COMMD8: variants seen among roughly 807,000 people sequenced by gnomAD.
The protein encoded by COMMD8 is COMM domain-containing protein 8.
In COMMD8, 28 loss-of-function variants were observed where a neutral mutation model predicts 27.2. That is an observed-to-expected ratio of 1.03 (90% CI 0.76 to 1.41). The LOEUF (loss-of-function observed/expected upper bound fraction) is 1.41. Ranked by LOEUF, COMMD8 falls within the 40% of genes most tolerant of loss-of-function variation. COMMD8 has a pLI of 0.00. For synonymous variants in COMMD8, 79 were observed against 75.5 expected (o/e 1.05, Z -0.24); for missense variants, 217 against 211.2 (o/e 1.03, Z -0.17).
chr4:47,454,390 T>C (rs777538029), intron 3 of COMMD8, among the ~76,000 whole-genome samples: 10 of 152,212 alleles, frequency 6.6e-5, no homozygotes, highest in Non-Finnish European at 1.3e-4. Flanking sequence ...TCCAGGTACA[T>C]GGTCTCAGTG....
Position 47,454,250 on chromosome 4 carries a change from A to T in COMMD8, c.376-1036T>A, listed in dbSNP as rs1729830344. ...TCTTCCCCAGGTTGAATTGAAACGT[A>T]TCTTATTGCAAATAATATACGTTAG... is the stretch of plus-strand genomic sequence containing the variant. On this transcript the variant is annotated intron_variant, in intron 3 of 4. Transcript: ENST00000381571. Among the ~76,000 whole-genome samples, 3 of 152,222 alleles carry T rather than the reference A, an allele frequency of 2.0e-5. No homozygotes were observed. In the South Asian group the frequency reaches 6.2e-4, roughly 32 times the overall value.
At chr4:47,461,367 C>T (rs925561099) in intron 1 of COMMD8, among the ~76,000 whole-genome samples, 2 of 152,146 alleles carry the variant, frequency 1.3e-5, no homozygotes, top group Admixed American at 1.3e-4. Flanking sequence ...AACTCCTTCC[C>T]TCTAACACCA....
In COMMD8 at chr4:47,451,564, G is replaced by C. The variant is rs763293375; in HGVS notation, c.*81C>G. The C allele has an allele frequency of 2.1e-5, 22 of 1,068,420 alleles. 1 individual carries two copies. Among genetic ancestry groups the C allele is most frequent in the Admixed American group, 3.7e-5 (2 of 54,282 alleles). 66.2% of individuals were successfully genotyped at this position (1,068,420 alleles called of 1,614,324 possible). ...TGGTGCAACAGTCAAGACATCACAAGGTTTCTGAACACGCAGTATTCACTC... is the reference window on the plus strand; with the variant it reads ...TGGTGCAACAGTCAAGACATCACAACGTTTCTGAACACGCAGTATTCACTC... On this transcript the variant is annotated 3_prime_UTR_variant, in exon 5 of 5. Transcript: ENST00000381571.
rs766515833 is a variant in COMMD8 at position 47,451,601 on chromosome 4, T to C, written c.*44A>G. ...CGCAGTATTCACTCTGCCATATAAG[T>C]TGGAGCAATAAAATCTGATAGGACT... On this transcript the variant is annotated 3_prime_UTR_variant, in exon 5 of 5. Coordinates refer to ENST00000381571, the MANE Select transcript of COMMD8 (RefSeq NM_017845.5). 8 of 1,533,016 alleles carry C rather than the reference T, an allele frequency of 5.2e-6. No individual in the cohort carries two copies. The African/African-American group carries it at 5.6e-5, about 11-fold the overall frequency. The allele number at this position is 1,533,016 out of a possible 1,614,324, so 95.0% of individuals were successfully genotyped here.
At position 47,453,027 on chromosome 4, in the gene COMMD8, T is replaced by C. The variant is rs1219751955; in HGVS notation, c.531+32A>G. On this transcript the variant is annotated intron_variant, in intron 4 of 4. Coordinates refer to ENST00000381571, the MANE Select transcript of COMMD8 (RefSeq NM_017845.5). ...AAAAAAAACCCCAAAACCTTAAACATTCAAATCATATGACAAAATTATAGC... is the reference window on the plus strand; with the variant it reads ...AAAAAAAACCCCAAAACCTTAAACACTCAAATCATATGACAAAATTATAGC... 1.9e-6 allele frequency: 3 copies of C among 1,569,096 alleles called. No homozygotes were observed. The African/African-American group carries it at 4.1e-5, about 22-fold the overall frequency.
Position 47,456,747 on chromosome 4 carries a change from G to C in COMMD8, c.223-18C>G. On this transcript the variant is annotated intron_variant, in intron 2 of 4. Transcript: ENST00000381571. ...TGAAATATCTATAAAAATAAAAACA[G>C]GCAAAAGGGGCTTTCTGTTTAAAAT... is the stretch of plus-strand genomic sequence containing the variant. 1 of 1,541,658 alleles carries C rather than the reference G, an allele frequency of 6.5e-7. No homozygotes were observed. Among genetic ancestry groups the C allele is most frequent in the Non-Finnish European group, 8.7e-7 (1 of 1,150,056 alleles).
At chr4:47,460,850 T>C (rs915327164) in intron 1 of COMMD8, among the ~76,000 whole-genome samples, 1 of 152,148 alleles carries the variant, frequency 6.6e-6, no homozygotes, top group Non-Finnish European at 1.5e-5. Flanking sequence ...CCAGTACTTT[T>C]TTCCTTTTTT....
chr4:47,455,164 C>T lies in COMMD8; in HGVS notation c.375+1413G>A, dbSNP rs796230123. ...AAGTAGCTGGGACTACAGGCACACA[C>T]CACAACACCCAGCTAATATTCATAT... On this transcript the variant is annotated intron_variant, in intron 3 of 4. Transcript: ENST00000381571. Among the ~76,000 whole-genome samples the T allele has an allele frequency of 6.6e-5, 10 of 152,062 alleles. No homozygotes were observed. In the East Asian group the frequency reaches 1.6e-3, roughly 24 times the overall value.
intron 3 of COMMD8, among the ~76,000 whole-genome samples, chr4:47,454,049 A>G (rs1729825366): frequency 6.6e-6 from 1 of 152,176 alleles, no homozygotes; most frequent in African/African-American, 2.4e-5. Context: ...AGGACCCATA[A>G]TATCTCAGAT....
intron 4 of COMMD8, among the ~76,000 whole-genome samples, chr4:47,452,519 T>C (rs1431408820): frequency 1.3e-5 from 2 of 151,768 alleles, no homozygotes. Flanking sequence ...ATAGCACTAT[T>C]ATTCTTTCAA....
intron 3 of COMMD8, among the ~76,000 whole-genome samples, chr4:47,456,300 A>ATATG (rs1729887259): frequency 7.2e-6 from 1 of 139,592 alleles, no homozygotes; most frequent in African/African-American, 2.7e-5. Context: ...ATATATATAT[A>ATATG]TGTATATGTT....
intron 2 of COMMD8, among the ~76,000 whole-genome samples, chr4:47,458,965 A>C (rs1729955113): frequency 6.6e-6 from 1 of 152,084 alleles, no homozygotes; most frequent in Admixed American, 6.5e-5. Flanking sequence ...TTAATGTAGA[A>C]AATTGTGAAC....
At position 47,451,604 on chromosome 4, in the gene COMMD8, G is replaced by A. The variant is rs564930783; in HGVS notation, c.*41C>T. On this transcript the variant is annotated 3_prime_UTR_variant, in exon 5 of 5. Coordinates refer to ENST00000381571, the MANE Select transcript of COMMD8 (RefSeq NM_017845.5). ...AGTATTCACTCTGCCATATAAGTTG[G>A]AGCAATAAAATCTGATAGGACTGGT... 29 of 1,545,730 alleles carry A rather than the reference G, an allele frequency of 1.9e-5. 1 individual carries two copies. In the South Asian group the frequency reaches 3.3e-4, roughly 17 times the overall value.
intron 2 of COMMD8, among the ~76,000 whole-genome samples, chr4:47,457,897 A>G (rs1380322707): frequency 1.3e-5 from 2 of 151,774 alleles, no homozygotes; most frequent in African/African-American, 4.8e-5. Flanking sequence ...TAAAAATCCT[A>G]AACAAAATAT....
chr4:47,460,262 G>A lies in COMMD8; in HGVS notation c.104C>T (p.Ala35Val), dbSNP rs1729991018. 1 of 1,612,746 alleles carries A rather than the reference G, an allele frequency of 6.2e-7. No individual in the cohort carries two copies. ...HKIIDGICGR[A>V]YPVYQDYHTV... ...GTGATAATCTTGGTACACAGGATAA[G>A]CTCGACCACAAATGCCATCAATTAT... The change falls in exon 2 of 5, where the codon GCT (alanine) becomes GTT (valine). Residue 35 changes from alanine to valine, a missense_variant. By Grantham distance (64) the Ala-to-Val change is moderately conservative (BLOSUM62 0). Transcript: ENST00000381571.
rs1278911436 is a variant in COMMD8, at chr4:47,451,357, T to C, written c.*288A>G. 1.1e-5 allele frequency: 4 copies of C among 358,078 alleles called. No individual in the cohort carries two copies. Among genetic ancestry groups the C allele is most frequent in the Non-Finnish European group, 2.0e-5 (4 of 198,282 alleles). 22.2% of individuals were successfully genotyped at this position (358,078 alleles called of 1,614,324 possible). ...CTATTTTTAGCTTTCAATAAAACTATGTATCTCCAAAGATTTCTCAAATAT... is the reference window on the plus strand; with the variant it reads ...CTATTTTTAGCTTTCAATAAAACTACGTATCTCCAAAGATTTCTCAAATAT... On this transcript the variant is annotated 3_prime_UTR_variant, in exon 5 of 5. Transcript: ENST00000381571.
At chr4:47,451,695 A>G (rs759850682) in intron 4 of COMMD8, 30 bp from the exon 5 acceptor site, 1 of 1,538,146 alleles carries the variant, frequency 6.5e-7, no homozygotes, top group South Asian at 1.2e-5. Context: ...AGAAAATATC[A>G]GGTTATACAA....
At chr4:47,454,896 C>T (rs993239871) in intron 3 of COMMD8, among the ~76,000 whole-genome samples, 7 of 147,698 alleles carry the variant, frequency 4.7e-5, no homozygotes, top group South Asian at 2.2e-4. Flanking sequence ...AACAGAACTA[C>T]GTTTCTACCA....
At chr4:47,456,199 A>T (rs1198373130) in intron 3 of COMMD8, among the ~76,000 whole-genome samples, 2 of 150,728 alleles carry the variant, frequency 1.3e-5, no homozygotes, top group African/African-American at 4.9e-5. Context: ...GTAAGCTGAG[A>T]TCGCACCATT....
Sources: gnomAD v4.1 joint callset for allele counts (sites outside exome capture counted in the v4.1 genomes callset) on GRCh38, gnomAD v4.1.1 for gene constraint, MANE v1.5 for transcripts, NCBI Gene and HGNC (gene_info 2026-07-23, HGNC 2026-07-21) for gene names.